Variants in IKZF3 observed in about 807,000 individuals in gnomAD.
The protein encoded by IKZF3 is zinc finger protein Aiolos.
In IKZF3, 10 loss-of-function variants were observed where a neutral mutation model predicts 49.0. That is an observed-to-expected ratio of 0.20 (90% CI 0.13 to 0.35). The LOEUF is 0.35. Ranked by LOEUF, IKZF3 falls within the 10% of genes least tolerant of loss-of-function variation. The pLI is 1.00. For missense variants in IKZF3, 498 were observed against 664.8 expected, an observed-to-expected ratio of 0.75 and a Z score of 2.76; for synonymous variants, 209 against 228.2, an observed-to-expected ratio of 0.92 and a Z score of 0.76.
At chr17:39,790,765 A>C (rs1445848308) in intron 5 of IKZF3, among the ~76,000 whole-genome samples, 4 of 152,134 alleles carry the variant, frequency 2.6e-5, no homozygotes, top group Non-Finnish European at 5.9e-5. Flanking sequence ...GATTTAAAAT[A>C]AGTAGGCTGG....
intron 1 of IKZF3, among the ~76,000 whole-genome samples, chr17:39,837,187 A>G (rs941655233): frequency 2.6e-5 from 4 of 152,096 alleles, no homozygotes; most frequent in African/African-American, 9.7e-5. Flanking sequence ...CTCCCACCTC[A>G]GCCTCCCAAA....
chr17:39,809,004 T>C (rs2061493974), intron 3 of IKZF3, among the ~76,000 whole-genome samples: 1 of 152,200 alleles, frequency 6.6e-6, no homozygotes, highest in Non-Finnish European at 1.5e-5. Flanking sequence ...TAAGAAAGGA[T>C]AACAAAGGCC....
chr17:39,854,983 A>G (rs1269801425), intron 1 of IKZF3, among the ~76,000 whole-genome samples: 1 of 152,198 alleles, frequency 6.6e-6, no homozygotes, highest in Non-Finnish European at 1.5e-5. Flanking sequence ...TCTGGCAGCA[A>G]TCCTCAAAAC....
intron 6 of IKZF3, among the ~76,000 whole-genome samples, chr17:39,783,450 T>C (rs2060794846): frequency 6.6e-6 from 1 of 152,098 alleles, no homozygotes; most frequent in Admixed American, 6.5e-5. Context: ...GCCTCCTGAG[T>C]AGCTGGGACT....
chr17:39,846,992 A>G (rs2062651639), intron 1 of IKZF3, among the ~76,000 whole-genome samples: 1 of 152,080 alleles, frequency 6.6e-6, no homozygotes, highest in Admixed American at 6.6e-5. Flanking sequence ...TTCCTTCTTT[A>G]TAATAGTAAA....
intron 1 of IKZF3, among the ~76,000 whole-genome samples, chr17:39,859,197 C>T (rs2063149220): frequency 6.6e-6 from 1 of 151,604 alleles, no homozygotes; most frequent in Admixed American, 6.6e-5. Flanking sequence ...GAAAAAATAA[C>T]CTCATTCAGA....
chr17:39,800,966 G>C lies in IKZF3; in HGVS notation c.164-8033C>G, dbSNP rs148452813. Among the ~76,000 whole-genome samples, 646 of 152,170 alleles carry C rather than the reference G, an allele frequency of 4.2e-3. 4 individuals carry two copies. The highest frequency in any genetic ancestry group is 0.015 in the African/African-American group (603 of 41,502). On this transcript the variant is annotated intron_variant, in intron 3 of 7. Transcript: ENST00000346872. The stretch of plus-strand genomic sequence containing the variant: ...GATGGCAAACAGAATAGACAACTTG[G>C]GTATCTTGGAGAGCATGTTGATACT...
intron 1 of IKZF3, among the ~76,000 whole-genome samples, chr17:39,833,744 A>G (rs548432424): frequency 6.6e-6 from 1 of 152,276 alleles, no homozygotes; most frequent in East Asian, 1.9e-4. Flanking sequence ...TAAAATAATA[A>G]ACTTTTAAAT....
At chr17:39,791,042 C>A (rs2061005886) in intron 5 of IKZF3, among the ~76,000 whole-genome samples, 1 of 152,106 alleles carries the variant, frequency 6.6e-6, no homozygotes, top group African/African-American at 2.4e-5. Flanking sequence ...TTGCTTGTCT[C>A]GTCTTTTGAA....
At chr17:39,792,316 CAAT>C (rs1176675924) in intron 4 of IKZF3, among the ~76,000 whole-genome samples, 1 of 152,124 alleles carries the variant, frequency 6.6e-6, no homozygotes, top group Non-Finnish European at 1.5e-5. Flanking sequence ...GAACCCAATA[CAAT>C]AAGAAGATCT....
chr17:39,859,264 T>C (rs8068125), intron 1 of IKZF3, among the ~76,000 whole-genome samples: 8,770 of 151,876 alleles, frequency 0.058, 403 homozygotes, highest in African/African-American at 0.12. Flanking sequence ...TTAATAAAGT[T>C]ATACACAGAT....
At chr17:39,791,674 T>A in intron 4 of IKZF3, 91 bp from the exon 5 acceptor site, 1 of 1,302,640 alleles carries the variant, frequency 7.7e-7, no homozygotes. Flanking sequence ...AGCTCATCTT[T>A]TAGACAATTA....
intron 1 of IKZF3, among the ~76,000 whole-genome samples, chr17:39,851,779 C>T (rs2062883020): frequency 6.6e-6 from 1 of 152,098 alleles, no homozygotes; most frequent in Non-Finnish European, 1.5e-5. Flanking sequence ...AAGATATGTG[C>T]ACTTTAATTA....
chr17:39,814,785 T>C (rs1165276505), intron 3 of IKZF3, among the ~76,000 whole-genome samples: 1 of 152,178 alleles, frequency 6.6e-6, no homozygotes, highest in African/African-American at 2.4e-5. Context: ...TGCTGACATC[T>C]TAATTTTGAA....
intron 7 of IKZF3, among the ~76,000 whole-genome samples, chr17:39,771,544 T>C (rs2060443010): frequency 6.6e-6 from 1 of 152,174 alleles, no homozygotes; most frequent in African/African-American, 2.4e-5. Context: ...ACTTCTCAAA[T>C]ATGCCACACT....
intron 5 of IKZF3, among the ~76,000 whole-genome samples, chr17:39,789,749 A>AACAAAC (rs1257174029): frequency 1.3e-5 from 2 of 150,754 alleles, no homozygotes; most frequent in African/African-American, 4.9e-5. Context: ...CAAACAAACA[A>AACAAAC]AATTAGCTGG....
At chr17:39,785,485 T>C (rs1411342886) in intron 6 of IKZF3, among the ~76,000 whole-genome samples, 2 of 152,206 alleles carry the variant, frequency 1.3e-5, no homozygotes, top group Non-Finnish European at 2.9e-5. Context: ...ATTTCCTGAA[T>C]CACCTAATAT....
At chr17:39,824,971 G>A (rs34864615) in intron 3 of IKZF3, among the ~76,000 whole-genome samples, 8,682 of 151,982 alleles carry the variant, frequency 0.057, 380 homozygotes, top group African/African-American at 0.12. Flanking sequence ...CTGGGATTAC[G>A]GGTGTGAGCC....
intron 6 of IKZF3, among the ~76,000 whole-genome samples, chr17:39,783,600 G>A (rs1329633440): frequency 6.6e-6 from 1 of 152,232 alleles, no homozygotes; most frequent in Non-Finnish European, 1.5e-5. Flanking sequence ...GATTACAGGC[G>A]TGAGCCACCG....
Sources: allele counts gnomAD v4.1 joint callset (sites outside exome capture counted in the v4.1 genomes callset), GRCh38; gene constraint gnomAD v4.1.1; transcripts MANE v1.5; gene names NCBI Gene and HGNC (gene_info 2026-07-23, HGNC 2026-07-21).